Variants in ZNF81 observed in about 807,000 individuals in gnomAD.
The protein encoded by ZNF81 is zinc finger protein 81 (HFZ20).
Under a neutral mutation model 32.3 loss-of-function variants are expected in ZNF81, and 5 were observed. That is an observed-to-expected ratio of 0.15 (90% CI 0.08 to 0.33). The LOEUF is 0.33. ZNF81 is among the 10% of genes least tolerant of loss of function. The pLI is 1.00. For missense variants in ZNF81, 379 were observed against 479.8 expected, an observed-to-expected ratio of 0.79 and a Z score of 1.96; for synonymous variants, 163 against 166.8, an observed-to-expected ratio of 0.98 and a Z score of 0.17.
chrX:47,919,268 G>C lies in ZNF81; in HGVS notation c.*2636G>C, dbSNP rs782178534. ...TTCTTCAGTCTTTATTTCTCTTTGT[G>C]TTTCAGTTAGGATAATTTCTATTGA... On this transcript the variant is annotated 3_prime_UTR_variant, in exon 5 of 5. Coordinates refer to ENST00000338637, the MANE Select transcript of ZNF81 (RefSeq NM_007137.5). 24 of 317,756 alleles carry C rather than the reference G, an allele frequency of 7.6e-5. 1 individual carries two copies. Among genetic ancestry groups the C allele is most frequent in the South Asian group, 6.7e-4 (24 of 35,758 alleles). 26.2% of individuals were successfully genotyped at this position (317,756 alleles called of 1,213,427 possible).
rs782006637 is a variant in ZNF81, at chrX:47,919,927, CTGT to C, written c.*3302_*3304del. On this transcript the variant is annotated 3_prime_UTR_variant, in exon 5 of 5. Transcript: ENST00000338637. ...ACTACTAGGTCAACTGAGTCTAGGT[CTGT>C]TGTTGTCTTCTCTTGCTCTTTTGCA... 3.9e-4 allele frequency: 44 copies of C among 112,196 alleles called. No individual in the cohort carries two copies. In the Admixed American group the frequency reaches 4.0e-3, roughly 10 times the overall value. 9.2% of individuals were successfully genotyped at this position (112,196 alleles called of 1,213,427 possible). A position where few individuals can be genotyped will look rare whatever the true frequency, so the allele number is the denominator to read the frequency against.
intron 4 of ZNF81, among the ~76,000 whole-genome samples, chrX:47,911,609 T>A (rs1467088786): frequency 3.6e-5 from 4 of 111,779 alleles, no homozygotes; most frequent in Non-Finnish European, 7.5e-5. Context: ...AGAGGGATTT[T>A]AAAAAATTAT....
intron 4 of ZNF81, among the ~76,000 whole-genome samples, chrX:47,898,884 T>C (rs1002924746): frequency 1.4e-4 from 16 of 111,913 alleles, no homozygotes; most frequent in Admixed American, 4.7e-4. Context: ...AATATAAAGT[T>C]TTTTAAATTT....
At chrX:47,899,575 GT>G (rs2058691679) in intron 4 of ZNF81, among the ~76,000 whole-genome samples, 1 of 109,527 alleles carries the variant, frequency 9.1e-6, no homozygotes, top group African/African-American at 3.3e-5. Flanking sequence ...CAATGTCTTT[GT>G]CATGTTTTGA....
intron 2 of ZNF81, among the ~76,000 whole-genome samples, chrX:47,851,287 T>G (rs1219353992): frequency 8.9e-6 from 1 of 111,922 alleles, no homozygotes; most frequent in African/African-American, 3.2e-5. Flanking sequence ...ATTTTTACTC[T>G]TTTTGTTTTG....
At chrX:47,896,154 A>G (rs1046076725) in intron 4 of ZNF81, among the ~76,000 whole-genome samples, 1 of 111,368 alleles carries the variant, frequency 9.0e-6, no homozygotes, top group African/African-American at 3.3e-5. Flanking sequence ...GCTTTCTTCC[A>G]GGAGAATTGC....
intron 2 of ZNF81, among the ~76,000 whole-genome samples, chrX:47,876,054 AG>A (rs2058598591): frequency 8.9e-6 from 1 of 111,965 alleles, no homozygotes; most frequent in Non-Finnish European, 1.9e-5. Flanking sequence ...CTCTGTGATA[AG>A]CAGGTAGTTA....
Position 47,916,965 on chromosome X carries a change from A to G in ZNF81, c.*333A>G, listed in dbSNP as rs2058759535. ...ATTCTTTATAGGAAGGAGAGTGCAAAATTATGTAAATGATGGTCAGGTTTA... is the reference window on the plus strand; with the variant it reads ...ATTCTTTATAGGAAGGAGAGTGCAAGATTATGTAAATGATGGTCAGGTTTA... On this transcript the variant is annotated 3_prime_UTR_variant, in exon 5 of 5. Transcript: ENST00000338637. 3.6e-6 allele frequency: 1 copy of G among 275,833 alleles called. No individual in the cohort carries two copies. The highest frequency in any genetic ancestry group is 5.8e-5 in the Admixed American group (1 of 17,235). The allele number at this position is 275,833 out of a possible 1,213,427, so 22.7% of individuals were successfully genotyped here.
intron 3 of ZNF81, among the ~76,000 whole-genome samples, chrX:47,895,099 T>C (rs989861267): frequency 1.8e-5 from 2 of 111,002 alleles, no homozygotes; most frequent in Non-Finnish European, 3.8e-5. Flanking sequence ...GAAATGAATT[T>C]TGGGGGACTA....
At chrX:47,841,003 C>A in intron 1 of ZNF81, 2 of 806,656 alleles carry the variant, frequency 2.5e-6, no homozygotes, top group Non-Finnish European at 3.7e-6. Flanking sequence ...GTGTTCACCC[C>A]GATAGCCAGG....
At chrX:47,850,872 C>G (rs1363430758) in intron 2 of ZNF81, among the ~76,000 whole-genome samples, 1 of 95,992 alleles carries the variant, frequency 1.0e-5, no homozygotes. Flanking sequence ...AACACGTGCA[C>G]TCATTCACAG....
chrX:47,909,020 G>T (rs1233577356), intron 4 of ZNF81, among the ~76,000 whole-genome samples: 1 of 111,794 alleles, frequency 8.9e-6, no homozygotes, highest in Non-Finnish European at 1.9e-5. Flanking sequence ...TTGGAGTTCA[G>T]CTTTATAGCT....
chrX:47,855,194 AAAAC>A (rs2058511861), intron 2 of ZNF81, among the ~76,000 whole-genome samples: 1 of 110,131 alleles, frequency 9.1e-6, no homozygotes, highest in Non-Finnish European at 1.9e-5. Context: ...TAAAAATAAA[AAAAC>A]CCCCAAATCT....
chrX:47,844,540 A>G (rs2058462958), intron 1 of ZNF81, among the ~76,000 whole-genome samples: 1 of 112,440 alleles, frequency 8.9e-6, no homozygotes, highest in Non-Finnish European at 1.9e-5. Context: ...TCCATTGTGT[A>G]TATATGCGAA....
chrX:47,862,316 C>T (rs1193101887), intron 2 of ZNF81, among the ~76,000 whole-genome samples: 2 of 109,432 alleles, frequency 1.8e-5, no homozygotes, highest in Non-Finnish European at 3.8e-5. Flanking sequence ...ATCAGGAGTT[C>T]GAGACCAGCC....
At chrX:47,910,324 G>A (rs185572032) in intron 4 of ZNF81, among the ~76,000 whole-genome samples, 9 of 111,467 alleles carry the variant, frequency 8.1e-5, no homozygotes, top group Admixed American at 2.9e-4. Context: ...GAAAATTTTC[G>A]CAACCTGCTC....
At chrX:47,889,677 C>T (rs1043051908) in intron 3 of ZNF81, among the ~76,000 whole-genome samples, 14 of 111,976 alleles carry the variant, frequency 1.3e-4, no homozygotes, top group African/African-American at 4.6e-4. Context: ...AGGTTTAATT[C>T]GCTCACGGTT....
intron 2 of ZNF81, among the ~76,000 whole-genome samples, chrX:47,866,661 C>A (rs1176545257): frequency 9.0e-6 from 1 of 111,462 alleles, no homozygotes; most frequent in Non-Finnish European, 1.9e-5. Context: ...GAGCCAGGCA[C>A]CTAGGCTAGA....
At chrX:47,867,281 T>G in intron 2 of ZNF81, among the ~76,000 whole-genome samples, 1 of 111,951 alleles carries the variant, frequency 8.9e-6, no homozygotes. Context: ...TGGATTGTAA[T>G]ACAGGCAGAA....
Sources: allele counts gnomAD v4.1 joint callset (sites outside exome capture counted in the v4.1 genomes callset), GRCh38; gene constraint gnomAD v4.1.1; transcripts MANE v1.5; gene names NCBI Gene and HGNC (gene_info 2026-07-23, HGNC 2026-07-21).